Variants in MSI2 observed in about 807,000 individuals in gnomAD.
MSI2 encodes the protein RNA-binding protein Musashi homolog 2.
In MSI2, 17 loss-of-function variants were observed where a neutral mutation model predicts 45.6. The ratio of observed to expected loss-of-function variants is 0.37; its 90% CI spans 0.26 to 0.56. The LOEUF (loss-of-function observed/expected upper bound fraction) is 0.56, where lower values mean the gene tolerates loss of function less well. MSI2 is among the 20% of genes least tolerant of loss of function. MSI2 has a pLI of 0.77. For synonymous variants in MSI2, 156 were observed against 158.2 expected (o/e 0.99, Z 0.11); for missense variants, 293 against 444.2 (o/e 0.66, Z 3.06).
chr17:57,382,499 A>C (rs2144033084), intron 5 of MSI2, among the ~76,000 whole-genome samples: 1 of 152,318 alleles, frequency 6.6e-6, no homozygotes, highest in South Asian at 2.1e-4. Context: ...GAACAGCTTG[A>C]ATGAAGATCT....
intron 5 of MSI2, among the ~76,000 whole-genome samples, chr17:57,281,333 G>A (rs140936873): frequency 3.1e-3 from 471 of 152,244 alleles, no homozygotes; most frequent in African/African-American, 0.011. Flanking sequence ...GCCATCACCA[G>A]CCAATTCTGA....
chr17:57,414,392 A>ATT (rs202045087), intron 6 of MSI2, among the ~76,000 whole-genome samples: 31 of 146,340 alleles, frequency 2.1e-4, no homozygotes, highest in South Asian at 1.5e-3. Flanking sequence ...TAAAATTAGG[A>ATT]TTTTTTTTTT....
At chr17:57,505,562 T>C (rs1234687711) in intron 6 of MSI2, among the ~76,000 whole-genome samples, 1 of 152,230 alleles carries the variant, frequency 6.6e-6, no homozygotes, top group African/African-American at 2.4e-5. Context: ...CAGGTATTCC[T>C]TGCTTTTAGA....
chr17:57,545,046 G>T (rs1028516603), intron 7 of MSI2, among the ~76,000 whole-genome samples: 2 of 152,230 alleles, frequency 1.3e-5, no homozygotes, highest in Non-Finnish European at 2.9e-5. Flanking sequence ...CTGGCAGCCA[G>T]TGGAGAAACA....
intron 11 of MSI2, among the ~76,000 whole-genome samples, chr17:57,657,698 A>C (rs886391616): frequency 6.6e-6 from 1 of 152,174 alleles, no homozygotes; most frequent in Admixed American, 6.5e-5. Context: ...CTGTGTCCCC[A>C]CTGCTAGCCT....
At chr17:57,570,000 C>G (rs895289870) in intron 7 of MSI2, among the ~76,000 whole-genome samples, 1 of 152,128 alleles carries the variant, frequency 6.6e-6, no homozygotes, top group African/African-American at 2.4e-5. Flanking sequence ...CGAGCCACGG[C>G]TGACACACAC....
At chr17:57,570,578 G>A (rs2087851719) in intron 7 of MSI2, among the ~76,000 whole-genome samples, 1 of 152,172 alleles carries the variant, frequency 6.6e-6, no homozygotes, top group Admixed American at 6.5e-5. Flanking sequence ...TTCCCTGCCT[G>A]CCTTCTTGTC....
Position 57,596,829 on chromosome 17 carries a change from C to G in MSI2, c.455-39C>G, listed in dbSNP as rs1299190895. On this transcript the variant is annotated intron_variant, in intron 7 of 13. Transcript: ENST00000284073. This position sits in a 1 kb window ranked among gnomAD's most constrained non-coding sequence, Gnocchi z 4.6. ...GGGCCTGCCAGAACTGAACTCACCC[C>G]GCCTCTCTTTGTTTTTTCTTCTCTC... 6.7e-7 allele frequency: 1 copy of G among 1,484,360 alleles called. No homozygotes were observed. Among genetic ancestry groups the G allele is most frequent in the South Asian group, 1.1e-5 (1 of 88,544 alleles). The allele number at this position is 1,484,360 out of a possible 1,614,324, so 91.9% of individuals were successfully genotyped here.
chr17:57,612,915 C>G (rs1907311487), intron 8 of MSI2, among the ~76,000 whole-genome samples: 1 of 152,082 alleles, frequency 6.6e-6, no homozygotes, highest in African/African-American at 2.4e-5. Flanking sequence ...TCTGCCTGTG[C>G]GAGACACGCC....
At chr17:57,301,651 G>C (rs1444799915) in intron 5 of MSI2, among the ~76,000 whole-genome samples, 2 of 152,176 alleles carry the variant, frequency 1.3e-5, no homozygotes, top group African/African-American at 4.8e-5. Context: ...CAGCTCATTT[G>C]TTTTCATTGC....
At chr17:57,498,100 T>C (rs889662340) in intron 6 of MSI2, among the ~76,000 whole-genome samples, 1 of 152,226 alleles carries the variant, frequency 6.6e-6, no homozygotes, top group African/African-American at 2.4e-5. Flanking sequence ...GATCTGGTCC[T>C]AGTAGCTGTT....
chr17:57,439,722 C>A (rs769830101), intron 6 of MSI2, among the ~76,000 whole-genome samples: 4 of 152,150 alleles, frequency 2.6e-5, no homozygotes, highest in Non-Finnish European at 4.4e-5. Flanking sequence ...CCTTGCCCAA[C>A]TAATTTTTTG....
At chr17:57,632,397 G>A (rs1482514356) in intron 10 of MSI2, 3 of 1,065,982 alleles carry the variant, frequency 2.8e-6, no homozygotes, top group Non-Finnish European at 3.4e-6. Context: ...GTCTTTTGGG[G>A]CCAGTGGCTG....
upstream of MSI2, among the ~76,000 whole-genome samples, chr17:57,256,344 C>T (rs1489273407): frequency 6.6e-6 from 1 of 151,148 alleles, no homozygotes; most frequent in Admixed American, 6.6e-5. Context: ...GCCGAGTGTG[C>T]GCGCGCGGGC....
At chr17:57,283,405 C>G (rs62058030) in intron 5 of MSI2, among the ~76,000 whole-genome samples, 21 of 152,158 alleles carry the variant, frequency 1.4e-4, no homozygotes, top group African/African-American at 5.1e-4. Context: ...CCCCATTCCC[C>G]GCCTCCAACT....
intron 5 of MSI2, among the ~76,000 whole-genome samples, chr17:57,350,225 G>GTGTGTGTGTGT (rs1915909517): frequency 4.8e-5 from 7 of 146,638 alleles, no homozygotes; most frequent in African/African-American, 1.8e-4. Flanking sequence ...CAGAGGTAGG[G>GTGTGTGTGTGT]GTGTGTGTGT....
At chr17:57,505,316 G>A (rs1261944731) in intron 6 of MSI2, among the ~76,000 whole-genome samples, 3 of 152,100 alleles carry the variant, frequency 2.0e-5, no homozygotes, top group Non-Finnish European at 2.9e-5. Flanking sequence ...GATGGATGAC[G>A]CCCTGGAGTT....
intron 10 of MSI2, among the ~76,000 whole-genome samples, chr17:57,644,219 T>G (rs1367250357): frequency 1.3e-5 from 2 of 151,676 alleles, no homozygotes; most frequent in Non-Finnish European, 2.9e-5. Flanking sequence ...AAGTTGTTTT[T>G]TTTTTTTTTT....
At chr17:57,548,252 G>C (rs562152215) in intron 7 of MSI2, among the ~76,000 whole-genome samples, 1 of 152,078 alleles carries the variant, frequency 6.6e-6, no homozygotes, top group African/African-American at 2.4e-5. Context: ...GTACAGAGGG[G>C]CTTACCCTTT....
Sources: allele counts gnomAD v4.1 joint callset (sites outside exome capture counted in the v4.1 genomes callset), GRCh38; gene constraint gnomAD v4.1.1; non-coding constraint Gnocchi (gnomAD v3.1); transcripts MANE v1.5; gene names NCBI Gene and HGNC (gene_info 2026-07-23, HGNC 2026-07-21).